The following IFT140 variants were observed in gnomAD, a reference collection of about 807,000 sequenced individuals.
IFT140 encodes the protein intraflagellar transport 140, also known as intraflagellar transport protein 140 homolog.
In IFT140, 133 loss-of-function variants were observed where a neutral mutation model predicts 164.6. That is an observed-to-expected ratio of 0.81 (90% confidence interval 0.70 to 0.93). The LOEUF is 0.93. Among genes scored for constraint, IFT140 ranks in the 40% least tolerant of loss-of-function variants. The probability of loss-of-function intolerance (pLI) is 0.00; values close to 1 mark genes in which losing one functional copy is unlikely to be tolerated. For missense variants in IFT140, 2,045 were observed against 1,972.3 expected, an observed-to-expected ratio of 1.04 and a Z score of -0.70; for synonymous variants, 860 against 817.3, an observed-to-expected ratio of 1.05 and a Z score of -0.89.
rs531769441 is a variant in IFT140, at chr16:1,574,899, C to T, written c.1525-3365G>A. Reference sequence around the variant, plus strand: ...AGCTCCTAAGTGTCTGTAGTCACTGCGTCCCTGACACAAACACTAACAGCA... The same window carrying T: ...AGCTCCTAAGTGTCTGTAGTCACTGTGTCCCTGACACAAACACTAACAGCA... On this transcript the variant is annotated intron_variant, in intron 13 of 30. Transcript: ENST00000426508. Among the ~76,000 whole-genome samples the T allele has an allele frequency of 2.0e-3, 298 of 152,294 alleles. 1 individual carries two copies. Among genetic ancestry groups the T allele is most frequent in the Non-Finnish European group, 3.3e-3 (226 of 68,032 alleles).
At chr16:1,607,050 G>T in intron 3 of IFT140, 70 bp downstream of exon 3, 1 of 1,502,234 alleles carries the variant, frequency 6.7e-7, no homozygotes, top group Non-Finnish European at 9.2e-7. Context: ...ACACACACAA[G>T]GACAACAGCA....
At chr16:1,524,111 A>C (rs1401340751) in intron 24 of IFT140, 155 bp from the exon 25 acceptor site, 1 of 973,124 alleles carries the variant, frequency 1.0e-6, no homozygotes, top group African/African-American at 1.6e-5. Flanking sequence ...CTGATGACTT[A>C]CTGGGTTTGT....
intron 26 of IFT140, 27 bp downstream of exon 26, chr16:1,523,491 C>T (rs763881577): frequency 6.3e-6 from 10 of 1,597,428 alleles, no homozygotes; most frequent in East Asian, 2.2e-5. Context: ...TGCGTGGAGC[C>T]GAGCCCAGGC....
intron 3 of IFT140, among the ~76,000 whole-genome samples, chr16:1,603,888 A>G (rs1269716824): frequency 6.6e-6 from 1 of 152,144 alleles, no homozygotes; most frequent in Non-Finnish European, 1.5e-5. Flanking sequence ...TGGGCTTAGG[A>G]GCCATCTTCT....
At chr16:1,539,344 G>A (rs1478767398) in intron 19 of IFT140, among the ~76,000 whole-genome samples, 10 of 151,414 alleles carry the variant, frequency 6.6e-5, no homozygotes, top group Admixed American at 5.9e-4. Flanking sequence ...TGGTGCAAAT[G>A]CCGCCCCACG....
intron 12 of IFT140, among the ~76,000 whole-genome samples, chr16:1,582,642 G>A (rs1284540099): frequency 6.6e-6 from 1 of 152,264 alleles, no homozygotes; most frequent in Non-Finnish European, 1.5e-5. Flanking sequence ...GGAGGCGCAC[G>A]CCTGTAATCA....
intron 19 of IFT140, 110 bp from the exon 20 acceptor site, chr16:1,526,906 G>A: frequency 8.1e-7 from 1 of 1,232,090 alleles, no homozygotes; most frequent in African/African-American, 1.5e-5. Context: ...TGCCAAACGG[G>A]CATGAGGAGG....
At chr16:1,558,948 C>T (rs1051908416) in intron 18 of IFT140, among the ~76,000 whole-genome samples, 5 of 152,230 alleles carry the variant, frequency 3.3e-5, no homozygotes, top group African/African-American at 7.2e-5. Context: ...CTTGCGGCCC[C>T]GGTGAGTAGG....
intron 8 of IFT140, 123 bp downstream of exon 8, chr16:1,587,810 T>A (rs1452749120): frequency 1.3e-6 from 1 of 749,054 alleles, no homozygotes; most frequent in African/African-American, 1.8e-5. Context: ...GTACGTCCAG[T>A]ATGAGAGCAC....
At chr16:1,589,843 AC>A in intron 6 of IFT140, 63 bp from the exon 7 acceptor site, 1 of 1,402,454 alleles carries the variant, frequency 7.1e-7, no homozygotes, top group South Asian at 1.2e-5. Flanking sequence ...CATGACCCTC[AC>A]CAGCAGCCAT....
chr16:1,528,097 A>G (rs1223097932), intron 19 of IFT140, among the ~76,000 whole-genome samples: 4 of 152,114 alleles, frequency 2.6e-5, no homozygotes, highest in African/African-American at 9.7e-5. Flanking sequence ...GTCCAAGGCC[A>G]TCCAGGGAGA....
At chr16:1,556,732 T>A (rs556604051) in intron 19 of IFT140, among the ~76,000 whole-genome samples, 1 of 149,174 alleles carries the variant, frequency 6.7e-6, no homozygotes, top group Non-Finnish European at 1.5e-5. Context: ...CCTGCTCAAC[T>A]TTTTTATGAC....
Position 1,525,879 on chromosome 16 carries a change from G to A in IFT140, c.2768+8C>T, listed in dbSNP as rs1044252490. 11 of 1,528,326 alleles carry A rather than the reference G, an allele frequency of 7.2e-6. No individual in the cohort carries two copies. The highest frequency in any genetic ancestry group is 1.4e-5 in the African/African-American group (1 of 72,960). 94.7% of individuals were successfully genotyped at this position (1,528,326 alleles called of 1,614,324 possible). ...AGGCAGGGAAGAGGCCGCGAGGGCC[G>A]CACTCACTAACTGAGGGCCCGGCTG... On this transcript the variant is annotated splice_region_variant and intron_variant, in intron 21 of 30. Coordinates refer to ENST00000426508, the MANE Select transcript of IFT140 (RefSeq NM_014714.4).
intron 9 of IFT140, 43 bp from the exon 10 acceptor site, chr16:1,586,318 G>C (rs569871957): frequency 6.4e-7 from 1 of 1,574,526 alleles, no homozygotes; most frequent in African/African-American, 1.4e-5. Context: ...GTTAAAAAAA[G>C]GGAACAAAAC....
intron 13 of IFT140, chr16:1,576,736 T>C (rs1470159474): frequency 2.0e-5 from 3 of 152,226 alleles, no homozygotes; most frequent in East Asian, 1.9e-4. Context: ...ACTAGTCTTT[T>C]ATCAGCCACG....
chr16:1,583,510 G>A (rs189590754), intron 11 of IFT140, 124 bp from the exon 12 acceptor site: 8 of 703,306 alleles, frequency 1.1e-5, no homozygotes, highest in South Asian at 1.8e-5. Context: ...ATCATCCTAC[G>A]ACTATGAGAT....
rs370378209 is a variant in IFT140, at chr16:1,523,505, G to A, written c.3453+13C>T. Reference sequence around the variant, plus strand: ...CTGCGTGGAGCCGAGCCCAGGCCCCGCTGGCCCCGTACCTTCCTGGCAGCC... The same window carrying A: ...CTGCGTGGAGCCGAGCCCAGGCCCCACTGGCCCCGTACCTTCCTGGCAGCC... On this transcript the variant is annotated intron_variant, in intron 26 of 30. Coordinates refer to ENST00000426508, the MANE Select transcript of IFT140 (RefSeq NM_014714.4). The A allele has an allele frequency of 3.4e-5, 55 of 1,603,922 alleles. No individual in the cohort carries two copies. The highest frequency in any genetic ancestry group is 7.7e-5 in the South Asian group (7 of 90,966).
rs749278176 is a variant in IFT140, at chr16:1,568,279, C to G, written c.1708G>C (p.Gly570Arg). 3 of 1,613,474 alleles carry G rather than the reference C, an allele frequency of 1.9e-6. No homozygotes were observed. Among genetic ancestry groups the G allele is most frequent in the Admixed American group, 3.3e-5 (2 of 59,994 alleles). The change falls in exon 15 of 31, where the codon GGG becomes CGG. Residue 570 changes from glycine to arginine, a missense_variant. By Grantham distance (125) the Gly-to-Arg change is moderately radical. Transcript: ENST00000426508. Reference protein sequence around the residue: ...RSLAELVPGVGGIASLRCSSS... With the variant: ...RSLAELVPGVRGIASLRCSSS... ...CTGCACCGCAGAGAAGCGATGCCCC[C>G]CACCCCAGGGACCAGCTCCGCCAGG...
At chr16:1,520,374 G>A in intron 27 of IFT140, 31 bp from the exon 28 acceptor site, 1 of 1,607,484 alleles carries the variant, frequency 6.2e-7, no homozygotes. Context: ...GCTCAGGCAA[G>A]CAGGGGCTGG....
Sources: allele counts gnomAD v4.1 joint callset (sites outside exome capture counted in the v4.1 genomes callset), GRCh38; gene constraint gnomAD v4.1.1; transcripts MANE v1.5; gene names NCBI Gene and HGNC (gene_info 2026-07-23, HGNC 2026-07-21).